SLC6A3: variants seen among roughly 807,000 people sequenced by gnomAD.
SLC6A3 encodes the protein sodium-dependent dopamine transporter.
In SLC6A3, 19 loss-of-function variants were observed where a neutral mutation model predicts 70.4. The observed-to-expected ratio is 0.27, with a 90% CI of 0.19 to 0.40. The LOEUF (loss-of-function observed/expected upper bound fraction) is 0.40. Ranked by LOEUF, SLC6A3 falls within the 10% of genes least tolerant of loss-of-function variation. SLC6A3 has a pLI of 1.00. For synonymous variants in SLC6A3, 368 were observed against 356.6 expected (o/e 1.03, Z -0.36); for missense variants, 613 against 838.5 (o/e 0.73, Z 3.32).
intron 12 of SLC6A3, 121 bp from the exon 13 acceptor site, chr5:1,403,210 A>G (rs1365580065): frequency 8.5e-7 from 1 of 1,181,716 alleles, no homozygotes. Flanking sequence ...GCAGGTGCAG[A>G]CCCCGGCCAG....
At chr5:1,428,393 T>C (rs2126385437) in intron 4 of SLC6A3, among the ~76,000 whole-genome samples, 1 of 152,308 alleles carries the variant, frequency 6.6e-6, no homozygotes, top group South Asian at 2.1e-4. Flanking sequence ...TTATAATTTA[T>C]ATTAGGCAGT....
intron 14 of SLC6A3, 72 bp downstream of exon 14, chr5:1,400,843 G>C (rs1234721145): frequency 3.5e-6 from 4 of 1,150,078 alleles, no homozygotes; most frequent in Admixed American, 4.0e-5. Context: ...AGCCCCCTGG[G>C]GGCTAAGAAC....
chr5:1,420,822 C>G (rs1756418526), intron 5 of SLC6A3, 119 bp from the exon 6 acceptor site: 13 of 1,051,172 alleles, frequency 1.2e-5, no homozygotes, highest in Non-Finnish European at 1.9e-5. Flanking sequence ...GGCCCAATTC[C>G]CAAACATTTC....
rs1170194683 is a variant in SLC6A3, at chr5:1,393,052, CT to C, written c.*1682del. On this transcript the variant is annotated 3_prime_UTR_variant, in exon 15 of 15. Coordinates refer to ENST00000270349, the MANE Select transcript of SLC6A3 (RefSeq NM_001044.5). ...GCCAGAAGGCGATGGGGAAGCCGTC[CT>C]CTGTGTCCCTCCCCAGAAGGCAATG... 6.6e-6 allele frequency: 1 copy of C among 152,118 alleles called. No homozygotes were observed. The highest frequency in any genetic ancestry group is 1.5e-5 in the Non-Finnish European group (1 of 68,084). The allele number at this position is 152,118 out of a possible 1,614,324, so 9.4% of individuals were successfully genotyped here.
In SLC6A3 at chr5:1,408,530, T is replaced by C. The variant is rs569306915; in HGVS notation, c.1498+496A>G. On this transcript the variant is annotated intron_variant, in intron 11 of 14. Transcript: ENST00000270349. The surrounding 1 kb of genome is among the most constrained non-coding windows in gnomAD (Gnocchi z 6.4). ...CTCCAGGCTGGGTTTTCTGTTGCTG[T>C]TTAAACCACTGGTGGAAGTCCCAGG... 4.9e-4 allele frequency among the ~76,000 whole-genome samples: 74 copies of C among 152,204 alleles called. No homozygotes were observed. The highest frequency in any genetic ancestry group is 5.9e-4 in the Non-Finnish European group (40 of 68,006).
chr5:1,416,536 A>G (rs1453180187), intron 6 of SLC6A3: 3 of 447,592 alleles, frequency 6.7e-6, no homozygotes, highest in Non-Finnish European at 1.2e-5. Context: ...ACACGGCATG[A>G]CCACAGCATC....
Position 1,437,030 on chromosome 5 carries a change from T to A in SLC6A3, c.418+4329A>T, listed in dbSNP as rs1376767046. Among the ~76,000 whole-genome samples, 1 of 151,994 alleles carries A rather than the reference T, an allele frequency of 6.6e-6. No homozygotes were observed. Among genetic ancestry groups the A allele is most frequent in the Non-Finnish European group, 1.5e-5 (1 of 67,976 alleles). On this transcript the variant is annotated intron_variant, in intron 3 of 14. Coordinates refer to ENST00000270349, the MANE Select transcript of SLC6A3 (RefSeq NM_001044.5). This position sits in a 1 kb window ranked among gnomAD's most constrained non-coding sequence, Gnocchi z 4.8. ...ACTTTGGGAGGCCAAGGCAGGCGGATCATGAGGTCAGGCAATCGAGACCAT... is the reference window on the plus strand; with the variant it reads ...ACTTTGGGAGGCCAAGGCAGGCGGAACATGAGGTCAGGCAATCGAGACCAT...
chr5:1,441,764 T>C (rs1488727279), intron 2 of SLC6A3, among the ~76,000 whole-genome samples: 2 of 152,120 alleles, frequency 1.3e-5, no homozygotes, highest in African/African-American at 4.8e-5. Flanking sequence ...GCCCTGCCCA[T>C]GCTCAGCGGT....
intron 1 of SLC6A3, among the ~76,000 whole-genome samples, chr5:1,444,906 G>C (rs1453374629): frequency 6.6e-6 from 1 of 151,874 alleles, no homozygotes; most frequent in East Asian, 1.9e-4. Flanking sequence ...GCCCGCGCCC[G>C]CCACCACCCC....
chr5:1,442,467 G>A lies in SLC6A3; in HGVS notation c.286+445C>T, dbSNP rs1268035826. ...TCTGGCTCTGTGGCTGGGTTCTGGA[G>A]GGTGCAGGGGACACAGTCACTTTCC... On this transcript the variant is annotated intron_variant, in intron 2 of 14. Transcript: ENST00000270349. This position sits in a 1 kb window ranked among gnomAD's most constrained non-coding sequence, Gnocchi z 5.0. Among the ~76,000 whole-genome samples, 1 of 152,220 alleles carries A rather than the reference G, an allele frequency of 6.6e-6. No individual in the cohort carries two copies. The highest frequency in any genetic ancestry group is 2.4e-5 in the African/African-American group (1 of 41,458).
Position 1,442,788 on chromosome 5 carries a change from C to T in SLC6A3, c.286+124G>A. 6.9e-6 allele frequency: 7 copies of T among 1,008,406 alleles called. No individual in the cohort carries two copies. In the South Asian group the frequency reaches 7.8e-5, roughly 11 times the overall value. 62.5% of individuals were successfully genotyped at this position (1,008,406 alleles called of 1,614,324 possible). On this transcript the variant is annotated intron_variant, in intron 2 of 14. Transcript: ENST00000270349. The surrounding 1 kb of genome is among the most constrained non-coding windows in gnomAD (Gnocchi z 5.0). The stretch of plus-strand genomic sequence containing the variant: ...AGGATCTGCACCGGCCGTGAGCTCT[C>T]ACAGGGAGCTCCGTCTTCACGCATG...
chr5:1,409,951 G>A, intron 9 of SLC6A3, 102 bp from the exon 10 acceptor site: 2 of 1,475,956 alleles, frequency 1.4e-6, no homozygotes, highest in South Asian at 2.3e-5. Context: ...CCCGGGGATG[G>A]ACACGGAACA....
In SLC6A3 at chr5:1,408,527, C is replaced by T. The variant is rs1246188824; in HGVS notation, c.1498+499G>A. Among the ~76,000 whole-genome samples, 6 of 152,160 alleles carry T rather than the reference C, an allele frequency of 3.9e-5. No individual in the cohort carries two copies. Among genetic ancestry groups the T allele is most frequent in the Admixed American group, 2.6e-4 (4 of 15,272 alleles). ...TGGCTCCAGGCTGGGTTTTCTGTTG[C>T]TGTTTAAACCACTGGTGGAAGTCCC... On this transcript the variant is annotated intron_variant, in intron 11 of 14. Transcript: ENST00000270349. The surrounding 1 kb of genome is among the most constrained non-coding windows in gnomAD (Gnocchi z 6.4).
rs376531914 is a variant in SLC6A3 at position 1,409,162 on chromosome 5, C to T, written c.1399-37G>A. 3.1e-5 allele frequency: 46 copies of T among 1,463,902 alleles called. No individual in the cohort carries two copies. In the African/African-American group the frequency reaches 6.3e-4, roughly 20 times the overall value. The allele number at this position is 1,463,902 out of a possible 1,614,324, so 90.7% of individuals were successfully genotyped here. ...GGGAGCCTGTGGACCTACAGAAGGG[C>T]TTTCCCCAGAGGTAAACCCAGCCTG... On this transcript the variant is annotated intron_variant, in intron 10 of 14. Coordinates refer to ENST00000270349, the MANE Select transcript of SLC6A3 (RefSeq NM_001044.5).
intron 6 of SLC6A3, among the ~76,000 whole-genome samples, chr5:1,419,904 G>A (rs1391707470): frequency 2.0e-5 from 3 of 151,722 alleles, no homozygotes; most frequent in African/African-American, 7.3e-5. Flanking sequence ...TTGCAGCCAT[G>A]CCCGCCCATC....
At chr5:1,418,040 T>C (rs1029557454) in intron 6 of SLC6A3, among the ~76,000 whole-genome samples, 1 of 152,208 alleles carries the variant, frequency 6.6e-6, no homozygotes, top group Non-Finnish European at 1.5e-5. Flanking sequence ...GTCAGGACTC[T>C]GCAGGTGGCC....
rs371613676 is a variant in SLC6A3 at position 1,394,407 on chromosome 5, C to CGGGAGCA, written c.*321_*327dup. On this transcript the variant is annotated 3_prime_UTR_variant, in exon 15 of 15. Transcript: ENST00000270349. The surrounding 1 kb of genome is among the most constrained non-coding windows in gnomAD (Gnocchi z 4.7). ...AGTGCCCCTGGGGCAGCCTCAGAGC[C>CGGGAGCA]GGGAGCAGGGAGCAGGGAGGGAGGG... 2.7e-4 allele frequency: 134 copies of CGGGAGCA among 495,230 alleles called. No individual in the cohort carries two copies. Among genetic ancestry groups the CGGGAGCA allele is most frequent in the Middle Eastern group, 5.5e-4 (1 of 1,812 alleles). The allele number at this position is 495,230 out of a possible 1,614,324, so 30.7% of individuals were successfully genotyped here. A position where few individuals can be genotyped will look rare whatever the true frequency, so the allele number is the denominator to read the frequency against.
In SLC6A3 at chr5:1,440,264, CATAG is replaced by C. The variant is rs1209279870; in HGVS notation, c.418+1091_418+1094del. Among the ~76,000 whole-genome samples the C allele has an allele frequency of 2.0e-5, 3 of 150,456 alleles. No homozygotes were observed. The East Asian group carries it at 5.9e-4, about 29-fold the overall frequency. On this transcript the variant is annotated intron_variant, in intron 3 of 14. Transcript: ENST00000270349. Reference sequence around the variant, plus strand: ...TAGAAGATGGATGGATGGATAGATCCATAGATAGATGAATGGATGAATGAATGGA... The same window carrying C: ...TAGAAGATGGATGGATGGATAGATCCATAGATGAATGGATGAATGAATGGA...
intron 3 of SLC6A3, among the ~76,000 whole-genome samples, chr5:1,435,766 G>A (rs111376515): frequency 7.6e-6 from 1 of 131,946 alleles, no homozygotes; most frequent in South Asian, 2.7e-4. Context: ...CTGGGCACCT[G>A]GGTGAGGAAA....
Sources: gnomAD v4.1 joint callset for allele counts (sites outside exome capture counted in the v4.1 genomes callset) on GRCh38, gnomAD v4.1.1 for gene constraint, Gnocchi (gnomAD v3.1) non-coding constraint, MANE v1.5 for transcripts, NCBI Gene and HGNC (gene_info 2026-07-23, HGNC 2026-07-21) for gene names.